The following PTPDC1 variants were observed in gnomAD, a reference collection of about 807,000 sequenced individuals.
The protein encoded by PTPDC1 is protein tyrosine phosphatase domain-containing protein 1.
Under a neutral mutation model 75.3 loss-of-function variants are expected in PTPDC1, and 53 were observed. The ratio of observed to expected loss-of-function variants is 0.70; its 90% CI spans 0.56 to 0.88. The LOEUF (loss-of-function observed/expected upper bound fraction) is 0.88, where lower values mean the gene tolerates loss of function less well. Among genes scored for constraint, PTPDC1 ranks in the 40% least tolerant of loss-of-function variants. The pLI is 0.00. For synonymous variants in PTPDC1, 349 were observed against 366.2 expected, an observed-to-expected ratio of 0.95 and a Z score of 0.54; for missense variants, 925 against 998.6, an observed-to-expected ratio of 0.93 and a Z score of 0.99.
chr9:94,064,942 G>GGT lies in PTPDC1; in HGVS notation c.82+121_82+122insGT, dbSNP rs1826256773. 5.7e-6 allele frequency: 4 copies of GGT among 702,918 alleles called. No homozygotes were observed. In the South Asian group the frequency reaches 7.5e-5, roughly 13 times the overall value. 43.5% of individuals were successfully genotyped at this position (702,918 alleles called of 1,614,324 possible). On this transcript the variant is annotated intron_variant, in intron 2 of 9. Transcript: ENST00000375360. Reference sequence around the variant, plus strand: ...TTCATATTGGAATCCCAGGTTGCAAGTATTACTTACTGCCTTACCATCTTG... The same window carrying GGT: ...TTCATATTGGAATCCCAGGTTGCAAGGTTATTACTTACTGCCTTACCATCTTG...
chr9:94,107,750 A>G (rs552096131), intron 8 of PTPDC1, 78 bp from the exon 9 acceptor site: 1 of 677,008 alleles, frequency 1.5e-6, no homozygotes, highest in South Asian at 2.8e-5. Context: ...TTTTTTCTCC[A>G]CCCCCTCCTT....
At chr9:94,046,173 C>A (rs1422858946) in intron 1 of PTPDC1, among the ~76,000 whole-genome samples, 4 of 152,162 alleles carry the variant, frequency 2.6e-5, no homozygotes, top group Non-Finnish European at 4.4e-5. Flanking sequence ...GGCATTATTT[C>A]TGAGGGCTCT....
intron 8 of PTPDC1, 33 bp from the exon 9 acceptor site, chr9:94,107,795 C>A: frequency 7.9e-7 from 1 of 1,269,232 alleles, no homozygotes; most frequent in Non-Finnish European, 1.1e-6. Context: ...ATTCTTGTTA[C>A]AGTGTCCTGA....
intron 1 of PTPDC1, among the ~76,000 whole-genome samples, chr9:94,045,560 A>G (rs1040638895): frequency 2.0e-5 from 3 of 151,920 alleles, no homozygotes; most frequent in African/African-American, 7.3e-5. Flanking sequence ...ATGGTATCTC[A>G]TTGTGGTTTT....
At position 94,108,002 on chromosome 9, in the gene PTPDC1, T is replaced by C. The variant is rs1434353257; in HGVS notation, c.*58T>C. ...GATCCAGATAGTATCTCTGTTCATA[T>C]GTGAATAAGTTGAAGATTGTGGGGC... is the stretch of plus-strand genomic sequence containing the variant. On this transcript the variant is annotated 3_prime_UTR_variant, in exon 9 of 9. Coordinates refer to ENST00000620992, the MANE Select transcript of PTPDC1 (RefSeq NM_001253829.2). 2 of 960,446 alleles carry C rather than the reference T, an allele frequency of 2.1e-6. No individual in the cohort carries two copies. The highest frequency in any genetic ancestry group is 2.9e-5 in the East Asian group (1 of 34,202). The allele number at this position is 960,446 out of a possible 1,614,324, so 59.5% of individuals were successfully genotyped here. A position where few individuals can be genotyped will look rare whatever the true frequency, so the allele number is the denominator to read the frequency against.
chr9:94,032,399 A>G (rs1829745461), intron 1 of PTPDC1, among the ~76,000 whole-genome samples: 1 of 152,140 alleles, frequency 6.6e-6, no homozygotes, highest in South Asian at 2.1e-4. Context: ...TTCCCACCCA[A>G]TCCCAAAGTC....
At chr9:94,047,522 G>A (rs1825645853) in intron 1 of PTPDC1, among the ~76,000 whole-genome samples, 1 of 152,048 alleles carries the variant, frequency 6.6e-6, no homozygotes, top group African/African-American at 2.4e-5. Context: ...AAAAGCAAGA[G>A]CTAAAACATT....
intron 1 of PTPDC1, among the ~76,000 whole-genome samples, chr9:94,050,338 T>C (rs992827412): frequency 2.6e-5 from 4 of 152,192 alleles, no homozygotes; most frequent in African/African-American, 9.7e-5. Context: ...TCCCCATCTT[T>C]GTGGTTTTAT....
chr9:94,097,729 A>G lies in PTPDC1; in HGVS notation c.1163A>G (p.Lys388Arg). 6.2e-7 allele frequency: 1 copy of G among 1,614,102 alleles called. No individual in the cohort carries two copies. The highest frequency in any genetic ancestry group is 8.5e-7 in the Non-Finnish European group (1 of 1,179,940). ...MSEMVTMQLD[K>R]ELLRHDSDVS... is the part of the protein sequence containing the mutation. ...GAGATGGTCACCATGCAGCTGGATAAAGAGTTACTGAGGCATGACAGTGAT... is the reference window on the plus strand; with the variant it reads ...GAGATGGTCACCATGCAGCTGGATAGAGAGTTACTGAGGCATGACAGTGAT... Residue 388 changes from lysine to arginine, a missense_variant, in exon 6 of 9, where the codon AAA becomes AGA. By Grantham distance (26) the Lys-to-Arg change is conservative. Coordinates refer to ENST00000620992, the MANE Select transcript of PTPDC1 (RefSeq NM_001253829.2).
chr9:94,094,984 C>T (rs1199310129), intron 4 of PTPDC1, among the ~76,000 whole-genome samples: 1 of 152,238 alleles, frequency 6.6e-6, no homozygotes, highest in Non-Finnish European at 1.5e-5. Flanking sequence ...GTCTGGCACT[C>T]CCTAATGAGA....
intron 2 of PTPDC1, among the ~76,000 whole-genome samples, chr9:94,078,715 T>C (rs1404353816): frequency 4.6e-5 from 7 of 152,210 alleles, no homozygotes; most frequent in African/African-American, 1.7e-4. Flanking sequence ...AGTCTTATCT[T>C]CAGGTTCTCT....
intron 8 of PTPDC1, 67 bp downstream of exon 8, chr9:94,104,452 C>G: frequency 9.7e-7 from 1 of 1,028,906 alleles, no homozygotes; most frequent in Non-Finnish European, 1.5e-6. Context: ...AATCAGAATC[C>G]AGAGGTCACC....
chr9:94,082,210 G>A (rs142681954), upstream of PTPDC1, among the ~76,000 whole-genome samples: 1,185 of 152,364 alleles, frequency 7.8e-3, 7 homozygotes, highest in Non-Finnish European at 0.012. Context: ...TAGAGAACAC[G>A]AGGCTGGAAA....
At chr9:94,064,706 T>C (rs1826243505) in intron 1 of PTPDC1, 4 of 1,571,980 alleles carry the variant, frequency 2.5e-6, no homozygotes, top group Non-Finnish European at 3.5e-6. Context: ...CAAGGCAAAC[T>C]TTCAAAAAAT....
intron 2 of PTPDC1, among the ~76,000 whole-genome samples, chr9:94,075,519 G>A (rs1473135154): frequency 1.3e-5 from 2 of 152,200 alleles, no homozygotes; most frequent in Non-Finnish European, 2.9e-5. Context: ...GGCAAAGGGG[G>A]ACAGGCTTTT....
intron 2 of PTPDC1, among the ~76,000 whole-genome samples, chr9:94,077,069 T>C (rs534310884): frequency 6.6e-6 from 1 of 152,196 alleles, no homozygotes; most frequent in African/African-American, 2.4e-5. Context: ...TTTAAAGTAG[T>C]CATTGGTTTT....
intron 4 of PTPDC1, among the ~76,000 whole-genome samples, chr9:94,093,629 C>T (rs1827416976): frequency 6.6e-6 from 1 of 151,308 alleles, no homozygotes; most frequent in Admixed American, 6.6e-5. Flanking sequence ...GAACATTGGC[C>T]TGCCTTGCTA....
In PTPDC1 at chr9:94,108,182, TTGAC is replaced by T. The variant is rs1244978078; in HGVS notation, c.*242_*245del. On this transcript the variant is annotated 3_prime_UTR_variant, in exon 9 of 9. Coordinates refer to ENST00000620992, the MANE Select transcript of PTPDC1 (RefSeq NM_001253829.2). ...TTTGGTGCCACTTTCTTTTATTTAT[TTGAC>T]TGAGTTAATATTATTGTATTAACAT... The T allele has an allele frequency of 8.0e-5, 22 of 276,440 alleles. No homozygotes were observed. The Admixed American group carries it at 1.0e-3, about 13-fold the overall frequency. 17.1% of individuals were successfully genotyped at this position (276,440 alleles called of 1,614,324 possible).
chr9:94,106,306 T>C (rs1455685927), intron 8 of PTPDC1, among the ~76,000 whole-genome samples: 2 of 152,190 alleles, frequency 1.3e-5, no homozygotes, highest in Non-Finnish European at 2.9e-5. Flanking sequence ...TTCACTAATG[T>C]CTGGAGAGCT....
Sources: allele counts gnomAD v4.1 joint callset (sites outside exome capture counted in the v4.1 genomes callset), GRCh38; gene constraint gnomAD v4.1.1; transcripts MANE v1.5; gene names NCBI Gene and HGNC (gene_info 2026-07-23, HGNC 2026-07-21).